DENND11: variants seen among roughly 807,000 people sequenced by gnomAD.
The protein encoded by DENND11 is DENN domain-containing protein 11.
In DENND11, 34 loss-of-function variants were observed where a neutral mutation model predicts 49.2. The ratio of observed to expected loss-of-function variants is 0.69; its 90% CI spans 0.53 to 0.92. DENND11 has a LOEUF of 0.92. Among genes scored for constraint, DENND11 ranks in the 40% least tolerant of loss-of-function variants. The probability of loss-of-function intolerance (pLI) is 0.00; values close to 1 mark genes in which losing one functional copy is unlikely to be tolerated. For missense variants in DENND11, 475 were observed against 581.6 expected, an observed-to-expected ratio of 0.82 and a Z score of 1.88; for synonymous variants, 238 against 230.3, an observed-to-expected ratio of 1.03 and a Z score of -0.30.
chr7:141,662,320 CCA>C lies in DENND11; in HGVS notation c.*334_*335del, dbSNP rs1462043046. On this transcript the variant is annotated 3_prime_UTR_variant, in exon 9 of 9. Transcript: ENST00000536163. Reference sequence around the variant, plus strand: ...TCTCAAATACATCAAGGGACAAAGACCACACAGACTTTCTGAACAGTCCATCC... The same window carrying C: ...TCTCAAATACATCAAGGGACAAAGACCACAGACTTTCTGAACAGTCCATCC... The C allele has an allele frequency of 1.1e-5, 3 of 262,514 alleles. No homozygotes were observed. Among genetic ancestry groups the C allele is most frequent in the African/African-American group, 6.6e-5 (3 of 45,532 alleles). 16.3% of individuals were successfully genotyped at this position (262,514 alleles called of 1,614,324 possible). A position where few individuals can be genotyped will look rare whatever the true frequency, so the allele number is the denominator to read the frequency against.
Position 141,676,525 on chromosome 7 carries a change from C to G in DENND11, c.528-2305G>C, listed in dbSNP as rs1170258890. 2.0e-5 allele frequency among the ~76,000 whole-genome samples: 3 copies of G among 152,116 alleles called. No individual in the cohort carries two copies. The East Asian group carries it at 5.8e-4, about 29-fold the overall frequency. ...TATGAGGATTCTGTCCTTTGATTGC[C>G]TCAGATATTACTGACTGATGGGACA... On this transcript the variant is annotated intron_variant, in intron 3 of 8. Transcript: ENST00000536163.
chr7:141,688,639 C>T (rs1798280802), intron 1 of DENND11, among the ~76,000 whole-genome samples: 2 of 152,268 alleles, frequency 1.3e-5, no homozygotes, highest in South Asian at 4.1e-4. Flanking sequence ...GTTTTTTAAG[C>T]ACCAAGTTCC....
At chr7:141,677,030 G>A (rs1181158190) in intron 3 of DENND11, among the ~76,000 whole-genome samples, 1 of 152,190 alleles carries the variant, frequency 6.6e-6, no homozygotes, top group Non-Finnish European at 1.5e-5. Flanking sequence ...CAGTGCAACT[G>A]ACCCTGCCTG....
chr7:141,694,168 C>T (rs1563005441), intron 1 of DENND11, among the ~76,000 whole-genome samples: 1 of 152,040 alleles, frequency 6.6e-6, no homozygotes, highest in Non-Finnish European at 1.5e-5. Flanking sequence ...TTTAAAAAAA[C>T]CTAATTGATG....
At chr7:141,699,036 T>C (rs1299364375) in intron 1 of DENND11, among the ~76,000 whole-genome samples, 1 of 152,158 alleles carries the variant, frequency 6.6e-6, no homozygotes, top group Non-Finnish European at 1.5e-5. Flanking sequence ...GGGAAGTGGC[T>C]AAGCAGGCAG....
chr7:141,665,496 A>C (rs896645570), intron 5 of DENND11, among the ~76,000 whole-genome samples, 178 bp from the exon 6 acceptor site: 15 of 152,006 alleles, frequency 9.9e-5, no homozygotes, highest in African/African-American at 3.1e-4. Flanking sequence ...GCAGAAACTG[A>C]CCCCTCAAGG....
chr7:141,697,256 G>T (rs1798429116), intron 1 of DENND11, among the ~76,000 whole-genome samples: 1 of 152,158 alleles, frequency 6.6e-6, no homozygotes, highest in Non-Finnish European at 1.5e-5. Flanking sequence ...AGGAGGTGGT[G>T]GGTATTACAA....
intron 4 of DENND11, among the ~76,000 whole-genome samples, chr7:141,673,555 G>A (rs1798017249): frequency 6.6e-6 from 1 of 152,208 alleles, no homozygotes; most frequent in Admixed American, 6.5e-5. Context: ...ACAGGAGACA[G>A]AGAGGGAAGA....
chr7:141,691,988 A>G (rs918531693), intron 1 of DENND11, among the ~76,000 whole-genome samples: 1 of 152,242 alleles, frequency 6.6e-6, no homozygotes, highest in African/African-American at 2.4e-5. Flanking sequence ...AGCAATAGTA[A>G]TAATATTGTA....
rs1797741478 is a variant in DENND11 at position 141,658,878 on chromosome 7, A to G, written c.*3778T>C. 6.6e-6 allele frequency: 1 copy of G among 152,622 alleles called. No homozygotes were observed. The highest frequency in any genetic ancestry group is 2.4e-5 in the African/African-American group (1 of 41,450). The allele number at this position is 152,622 out of a possible 1,614,324, so 9.5% of individuals were successfully genotyped here. ...CCTCAGTTTAAAGATGAGTGATTTC[A>G]TCTTTTACTGTGTTTGAAGGGCTTT... On this transcript the variant is annotated 3_prime_UTR_variant, in exon 9 of 9. Transcript: ENST00000536163.
Position 141,657,059 on chromosome 7 carries a change from C to T in DENND11, c.*5597G>A, listed in dbSNP as rs762970424. ...CGAAACAAAAATAGATTCAGTCTCT[C>T]GTATTGCTATAACTCTTAGGCTGGG... On this transcript the variant is annotated 3_prime_UTR_variant, in exon 9 of 9. Transcript: ENST00000536163. 6.5e-5 allele frequency: 10 copies of T among 152,674 alleles called. No homozygotes were observed. Among genetic ancestry groups the T allele is most frequent in the African/African-American group, 2.4e-4 (10 of 41,526 alleles). The allele number at this position is 152,674 out of a possible 1,614,324, so 9.5% of individuals were successfully genotyped here.
chr7:141,689,659 A>C (rs1490100175), intron 1 of DENND11, among the ~76,000 whole-genome samples: 8 of 152,208 alleles, frequency 5.3e-5, no homozygotes, highest in Non-Finnish European at 1.2e-4. Context: ...CAAAGTAAAC[A>C]TATTTGTGTA....
At position 141,692,122 on chromosome 7, in the gene DENND11, T is replaced by C. The variant is rs138588574; in HGVS notation, c.269-5464A>G. 3.2e-4 allele frequency among the ~76,000 whole-genome samples: 49 copies of C among 152,354 alleles called. 1 individual carries two copies. In the East Asian group the frequency reaches 8.9e-3, roughly 28 times the overall value. On this transcript the variant is annotated intron_variant, in intron 1 of 8. Coordinates refer to ENST00000536163, the MANE Select transcript of DENND11 (RefSeq NM_001080392.2). ...AAAAAAAGGCATATCCATATCTGTATATAGTCAGTTCTACTTTTATCACTT... is the reference window on the plus strand; with the variant it reads ...AAAAAAAGGCATATCCATATCTGTACATAGTCAGTTCTACTTTTATCACTT...
chr7:141,672,231 T>C (rs1438890826), intron 4 of DENND11, among the ~76,000 whole-genome samples: 1 of 152,186 alleles, frequency 6.6e-6, no homozygotes, highest in Non-Finnish European at 1.5e-5. Flanking sequence ...TAAGGAAGGG[T>C]GGCAGGCAGC....
At chr7:141,689,873 T>C (rs549990571) in intron 1 of DENND11, among the ~76,000 whole-genome samples, 108 of 152,362 alleles carry the variant, frequency 7.1e-4, no homozygotes, top group African/African-American at 2.5e-3. Flanking sequence ...CTATTACTTC[T>C]ATCATATGCA....
At chr7:141,692,351 T>C (rs529924072) in intron 1 of DENND11, among the ~76,000 whole-genome samples, 112 of 152,252 alleles carry the variant, frequency 7.4e-4, no homozygotes, top group African/African-American at 2.5e-3. Flanking sequence ...AACAATAAAA[T>C]TGGAAGACGA....
rs2286150 is a variant in DENND11 at position 141,664,912 on chromosome 7, G to A, written c.1095C>T (p.Asn365=). The change falls in exon 7 of 9, where the codon AAC becomes AAT. Residue 365 remains asparagine, a synonymous_variant. Coordinates refer to ENST00000536163, the MANE Select transcript of DENND11 (RefSeq NM_001080392.2). ...SADREKYRRL[N]EQRQMLLYSQ... ...CCCTTAGCTGCCACTACCTCTGCTC[G>A]TTGAGCCGGCGGTACTTCTCCCTGT... The A allele has an allele frequency of 0.13, 208,518 of 1,610,770 alleles. 16,781 individuals are homozygous for A. The highest frequency in any genetic ancestry group is 0.35 in the East Asian group (15,576 of 44,756).
At chr7:141,671,856 T>G (rs1422001672) in intron 4 of DENND11, among the ~76,000 whole-genome samples, 1 of 152,172 alleles carries the variant, frequency 6.6e-6, no homozygotes, top group Non-Finnish European at 1.5e-5. Context: ...TTCTTAATGA[T>G]TGTCTCTCAG....
rs1797814899 is a variant in DENND11 at position 141,662,527 on chromosome 7, T to A, written c.*129A>T. 2 of 583,094 alleles carry A rather than the reference T, an allele frequency of 3.4e-6. No individual in the cohort carries two copies. Among genetic ancestry groups the A allele is most frequent in the South Asian group, 9.4e-5 (2 of 21,330 alleles). 36.1% of individuals were successfully genotyped at this position (583,094 alleles called of 1,614,324 possible). On this transcript the variant is annotated 3_prime_UTR_variant, in exon 9 of 9. Transcript: ENST00000536163. ...CAGAAAGGAAATTGCAAAAATTATGTTTGTTGGAAAGTATAAACAATATTC... is the reference window on the plus strand; with the variant it reads ...CAGAAAGGAAATTGCAAAAATTATGATTGTTGGAAAGTATAAACAATATTC...
Sources: gnomAD v4.1 joint callset for allele counts (sites outside exome capture counted in the v4.1 genomes callset) on GRCh38, gnomAD v4.1.1 for gene constraint, MANE v1.5 for transcripts, NCBI Gene and HGNC (gene_info 2026-07-23, HGNC 2026-07-21) for gene names.